The following PIEZO2 variants were observed in gnomAD, a reference collection of about 807,000 sequenced individuals.
PIEZO2 encodes piezo-type mechanosensitive ion channel component 2.
A neutral mutation model predicts 337.3 loss-of-function variants in PIEZO2; 172 were observed. That is an observed-to-expected ratio of 0.51 (90% CI 0.45 to 0.58). The LOEUF (loss-of-function observed/expected upper bound fraction) is 0.58, where lower values mean the gene tolerates loss of function less well. PIEZO2 is among the 20% of genes least tolerant of loss of function. The pLI is 0.00. For missense variants in PIEZO2, 3,028 were observed against 3,391.3 expected (o/e 0.89, Z 2.66); for synonymous variants, 1,251 against 1,228.5 (o/e 1.02, Z -0.38).
Position 11,105,908 on chromosome 18 carries a change from G to C in PIEZO2, c.65-39686C>G, listed in dbSNP as rs2039544915. Among the ~76,000 whole-genome samples the C allele has an allele frequency of 6.6e-6, 1 of 152,276 alleles. No individual in the cohort carries two copies. The highest frequency in any genetic ancestry group is 1.9e-4 in the East Asian group (1 of 5,168). Reference sequence around the variant, plus strand: ...TAGTCCTTCTTCTGTAGGGTTATCTGACTGATTTAGGTCATTCCAAGGGTT... The same window carrying C: ...TAGTCCTTCTTCTGTAGGGTTATCTCACTGATTTAGGTCATTCCAAGGGTT... On this transcript the variant is annotated intron_variant, in intron 1 of 55. Transcript: ENST00000674853. The surrounding 1 kb of genome is among the most constrained non-coding windows in gnomAD (Gnocchi z 4.3).
intron 1 of PIEZO2, among the ~76,000 whole-genome samples, chr18:11,067,284 A>C (rs1225784800): frequency 6.6e-6 from 1 of 152,196 alleles, no homozygotes; most frequent in Non-Finnish European, 1.5e-5. Context: ...TGTACACCCT[A>C]AATATATAAA....
At position 10,937,859 on chromosome 18, in the gene PIEZO2, G is replaced by A. The variant is rs542723582; in HGVS notation, c.287-26631C>T. On this transcript the variant is annotated intron_variant, in intron 3 of 55. Coordinates refer to ENST00000674853, the MANE Select transcript of PIEZO2 (RefSeq NM_001378183.1). ...CTTTGCCTGGACTTTTGGTTATCTA[G>A]GAAAATGATAAATTAAGTCACGTTA... 3.9e-5 allele frequency among the ~76,000 whole-genome samples: 6 copies of A among 152,192 alleles called. No homozygotes were observed. In the East Asian group the frequency reaches 7.7e-4, roughly 20 times the overall value.
chr18:10,900,631 C>A (rs755035935), intron 4 of PIEZO2, among the ~76,000 whole-genome samples: 13 of 152,206 alleles, frequency 8.5e-5, no homozygotes, highest in Non-Finnish European at 1.9e-4. Flanking sequence ...TTTTCCCTAT[C>A]AGTGCCTAAG....
chr18:10,809,976 G>A (rs192216602), intron 7 of PIEZO2, among the ~76,000 whole-genome samples: 2 of 152,252 alleles, frequency 1.3e-5, no homozygotes, highest in East Asian at 1.9e-4. Context: ...ACATCCCAAT[G>A]TACTGCTTAT....
intron 1 of PIEZO2, among the ~76,000 whole-genome samples, chr18:11,079,363 C>T (rs1043389006): frequency 6.6e-6 from 1 of 152,172 alleles, no homozygotes; most frequent in Non-Finnish European, 1.5e-5. Flanking sequence ...AGTTAACCTC[C>T]ACAAATATCT....
At chr18:10,722,887 T>G (rs1407111937) in intron 36 of PIEZO2, among the ~76,000 whole-genome samples, 2 of 150,690 alleles carry the variant, frequency 1.3e-5, no homozygotes, top group African/African-American at 4.9e-5. Context: ...CAGCAAGGCA[T>G]GAGAACTGGA....
chr18:10,889,237 G>A (rs1372593401), intron 4 of PIEZO2, among the ~76,000 whole-genome samples: 1 of 152,150 alleles, frequency 6.6e-6, no homozygotes, highest in Non-Finnish European at 1.5e-5. Flanking sequence ...TCCCCTTTCT[G>A]TAACTTGACT....
At position 10,784,221 on chromosome 18, in the gene PIEZO2, A is replaced by T. The variant is rs554946642; in HGVS notation, c.2492+563T>A. 2.6e-5 allele frequency among the ~76,000 whole-genome samples: 4 copies of T among 152,250 alleles called. No homozygotes were observed. Among genetic ancestry groups the T allele is most frequent in the Non-Finnish European group, 5.9e-5 (4 of 68,040 alleles). ...CCCATCTGTTATTTGCAAACAATGT[A>T]TATTTATTGATGAGGATAAAACAGC... On this transcript the variant is annotated intron_variant, in intron 17 of 55. Coordinates refer to ENST00000674853, the MANE Select transcript of PIEZO2 (RefSeq NM_001378183.1). This position sits in a 1 kb window ranked among gnomAD's most constrained non-coding sequence, Gnocchi z 4.5.
rs546128540 is a variant in PIEZO2 at position 10,954,054 on chromosome 18, A to C, written c.286+25481T>G. On this transcript the variant is annotated intron_variant, in intron 3 of 55. Coordinates refer to ENST00000674853, the MANE Select transcript of PIEZO2 (RefSeq NM_001378183.1). This position sits in a 1 kb window ranked among gnomAD's most constrained non-coding sequence, Gnocchi z 4.2. ...GGGTCCCTTGAGGCTTAAAAATATA[A>C]GACAGCCTGTGAAATTTTAGGCCTT... Among the ~76,000 whole-genome samples, 2 of 152,354 alleles carry C rather than the reference A, an allele frequency of 1.3e-5. No individual in the cohort carries two copies. The highest frequency in any genetic ancestry group is 3.9e-4 in the East Asian group (2 of 5,194).
In PIEZO2 at chr18:11,080,411, G is replaced by T. The variant is rs951355941; in HGVS notation, c.65-14189C>A. On this transcript the variant is annotated intron_variant, in intron 1 of 55. Coordinates refer to ENST00000674853, the MANE Select transcript of PIEZO2 (RefSeq NM_001378183.1). This position sits in a 1 kb window ranked among gnomAD's most constrained non-coding sequence, Gnocchi z 5.4. ...TCTATACATGCTACTTCCTTGATTA[G>T]ACTGTAACCCCCTTAAGAGTAGGGC... Among the ~76,000 whole-genome samples, 1 of 152,148 alleles carries T rather than the reference G, an allele frequency of 6.6e-6. No individual in the cohort carries two copies. The highest frequency in any genetic ancestry group is 2.1e-4 in the South Asian group (1 of 4,828).
intron 2 of PIEZO2, among the ~76,000 whole-genome samples, chr18:10,989,216 T>C (rs2034997558): frequency 6.6e-6 from 1 of 152,066 alleles, no homozygotes. Flanking sequence ...CATTGAAATG[T>C]ATACATTAAT....
At chr18:10,836,025 A>G (rs1341062095) in intron 7 of PIEZO2, among the ~76,000 whole-genome samples, 1 of 152,196 alleles carries the variant, frequency 6.6e-6, no homozygotes, top group Non-Finnish European at 1.5e-5. Flanking sequence ...AAATAAGCCT[A>G]TGTCGCTTAT....
At chr18:10,907,898 T>C (rs998102837) in intron 4 of PIEZO2, among the ~76,000 whole-genome samples, 1 of 152,244 alleles carries the variant, frequency 6.6e-6, no homozygotes, top group Non-Finnish European at 1.5e-5. Context: ...TATGTAGATA[T>C]TACTAATGTA....
chr18:11,109,367 C>T lies in PIEZO2; in HGVS notation c.64+39158G>A, dbSNP rs1027171570. ...GTATTTTAATGGCCGTCTCTGTTAG[C>T]TATTTGATGGGGTGGCAGGTGGGAG... On this transcript the variant is annotated intron_variant, in intron 1 of 55. Transcript: ENST00000674853. This position sits in a 1 kb window ranked among gnomAD's most constrained non-coding sequence, Gnocchi z 5.1. Among the ~76,000 whole-genome samples, 1 of 152,080 alleles carries T rather than the reference C, an allele frequency of 6.6e-6. No homozygotes were observed. The highest frequency in any genetic ancestry group is 2.4e-5 in the African/African-American group (1 of 41,388).
rs1017099100 is a variant in PIEZO2, at chr18:10,716,942, G to A, written c.5090-1126C>T. ...AGGCTGCAGCCACCGCACTGGAGAC[G>A]TGAATCACAGGCGCTTTGTGAACCT... On this transcript the variant is annotated intron_variant, in intron 37 of 55. Coordinates refer to ENST00000674853, the MANE Select transcript of PIEZO2 (RefSeq NM_001378183.1). The surrounding 1 kb of genome is among the most constrained non-coding windows in gnomAD (Gnocchi z 4.1). 6.6e-6 allele frequency among the ~76,000 whole-genome samples: 1 copy of A among 152,160 alleles called. No individual in the cohort carries two copies. The highest frequency in any genetic ancestry group is 1.5e-5 in the Non-Finnish European group (1 of 68,036).
At chr18:11,059,034 C>T (rs139919375) in intron 2 of PIEZO2, among the ~76,000 whole-genome samples, 2,145 of 152,278 alleles carry the variant, frequency 0.014, 36 homozygotes, top group African/African-American at 0.04. Context: ...CAAAGGGAAG[C>T]CCACCAGACT....
chr18:11,147,054 G>C (rs1208286985), intron 1 of PIEZO2, among the ~76,000 whole-genome samples: 3 of 152,208 alleles, frequency 2.0e-5, no homozygotes, highest in Non-Finnish European at 2.9e-5. Context: ...ACAGTGCCAA[G>C]CGCTTAGGAT....
chr18:10,695,585 G>A (rs534151700), intron 47 of PIEZO2, among the ~76,000 whole-genome samples: 1 of 152,206 alleles, frequency 6.6e-6, no homozygotes, highest in South Asian at 2.1e-4. Context: ...ACCCCCACCA[G>A]TCTCCTATGT....
intron 2 of PIEZO2, among the ~76,000 whole-genome samples, chr18:11,037,130 AATTTTTGT>A (rs1463222213): frequency 6.6e-6 from 1 of 152,122 alleles, no homozygotes; most frequent in Non-Finnish European, 1.5e-5. Context: ...GCACCTGGCT[AATTTTTGT>A]ATTTTTGTAG....
Sources: allele counts gnomAD v4.1 joint callset (sites outside exome capture counted in the v4.1 genomes callset), GRCh38; gene constraint gnomAD v4.1.1; non-coding constraint Gnocchi (gnomAD v3.1); transcripts MANE v1.5; gene names NCBI Gene and HGNC (gene_info 2026-07-23, HGNC 2026-07-21).